PACS1: variants seen among roughly 807,000 people sequenced by gnomAD.
The protein encoded by PACS1 is phosphofurin acidic cluster sorting protein 1, also known as PACS-1.
PACS1 carries 24 observed loss-of-function variants against 115.0 expected under a neutral mutation model. The observed-to-expected ratio is 0.21, with a 90% CI of 0.15 to 0.29. The LOEUF (loss-of-function observed/expected upper bound fraction) is 0.29. PACS1 is among the 10% of genes least tolerant of loss of function. The probability of loss-of-function intolerance (pLI) is 1.00; values close to 1 mark genes in which losing one functional copy is unlikely to be tolerated. For missense variants in PACS1, 838 were observed against 1,251.2 expected (o/e 0.67, Z 4.98); for synonymous variants, 453 against 504.5 (o/e 0.90, Z 1.37).
rs574040415 is a variant in PACS1 at position 66,188,453 on chromosome 11, C to T, written c.357-5033C>T. 4.6e-5 allele frequency among the ~76,000 whole-genome samples: 7 copies of T among 152,218 alleles called. No individual in the cohort carries two copies. The East Asian group carries it at 1.2e-3, about 25-fold the overall frequency. ...CAAATGGTTTTCTCGAGTAACTGTA[C>T]CATTTTCCACTGTCCCCAGCCATGA... On this transcript the variant is annotated intron_variant, in intron 1 of 23. Transcript: ENST00000320580.
chr11:66,215,577 G>T (rs546162462), intron 4 of PACS1, among the ~76,000 whole-genome samples: 1 of 151,902 alleles, frequency 6.6e-6, no homozygotes, highest in East Asian at 2.0e-4. Flanking sequence ...GCCAGCCTGG[G>T]TGACAGAGTG....
intron 1 of PACS1, among the ~76,000 whole-genome samples, chr11:66,153,940 G>A (rs1337802582): frequency 6.6e-6 from 1 of 152,028 alleles, no homozygotes; most frequent in African/African-American, 2.4e-5. Context: ...CAGAGACACA[G>A]GTTAAAAGTG....
intron 1 of PACS1, among the ~76,000 whole-genome samples, chr11:66,114,625 G>GTCTTTCA (rs1858263623): frequency 6.6e-6 from 1 of 151,926 alleles, no homozygotes. Context: ...TGTTTTTAGG[G>GTCTTTCA]TCTTTCATTT....
chr11:66,201,544 GA>G (rs1854796152), intron 2 of PACS1, among the ~76,000 whole-genome samples: 1 of 148,568 alleles, frequency 6.7e-6, no homozygotes. Flanking sequence ...TAAAGAACTA[GA>G]AAAGCAAGAG....
chr11:66,175,375 A>G (rs1240227257), intron 1 of PACS1, among the ~76,000 whole-genome samples: 1 of 151,948 alleles, frequency 6.6e-6, no homozygotes, highest in African/African-American at 2.4e-5. Flanking sequence ...CTCCCTTTGA[A>G]TTTGTTGGGC....
chr11:66,085,483 A>G (rs1565100679), intron 1 of PACS1, among the ~76,000 whole-genome samples: 1 of 152,230 alleles, frequency 6.6e-6, no homozygotes, highest in Non-Finnish European at 1.5e-5. Flanking sequence ...TTTATGATAG[A>G]TATACTTAGA....
Position 66,216,713 on chromosome 11 carries a change from G to A in PACS1, c.916G>A (p.Glu306Lys), listed in dbSNP as rs1224491985. Reference sequence around the variant, plus strand: ...CACTTAGGACTTGTTCTACGAAGACGAAGATCTCCGGAAAGTGAAGAAGAC... The same window carrying A: ...CACTTAGGACTTGTTCTACGAAGACAAAGATCTCCGGAAAGTGAAGAAGAC... Reference protein sequence around the residue: ...LHGQDLFYEDEDLRKVKKTRR... With the variant: ...LHGQDLFYEDKDLRKVKKTRR... Residue 306 changes from glutamate (E) to lysine (K), a missense_variant, in exon 7 of 24, where the codon GAA (glutamate) becomes AAA (lysine). Transcript: ENST00000320580. 1.9e-6 allele frequency: 3 copies of A among 1,613,902 alleles called. No individual in the cohort carries two copies. The highest frequency in any genetic ancestry group is 2.2e-5 in the East Asian group (1 of 44,860).
At chr11:66,223,395 ATT>A (rs35595274) in intron 10 of PACS1, among the ~76,000 whole-genome samples, 206 of 147,716 alleles carry the variant, frequency 1.4e-3, no homozygotes, top group Middle Eastern at 3.5e-3. Context: ...TGCCCGGCCT[ATT>A]TTTTTTTTTT....
At chr11:66,158,822 G>A (rs1442210002) in intron 1 of PACS1, among the ~76,000 whole-genome samples, 1 of 152,170 alleles carries the variant, frequency 6.6e-6, no homozygotes, top group Middle Eastern at 3.2e-3. Context: ...TATTTAAAAA[G>A]CAACACAAGA....
rs545448547 is a variant in PACS1, at chr11:66,233,167, A to G, written c.1838+101A>G. 1 of 874,546 alleles carries G rather than the reference A, an allele frequency of 1.1e-6. No homozygotes were observed. The highest frequency in any genetic ancestry group is 1.8e-6 in the Non-Finnish European group (1 of 555,604). 54.2% of individuals were successfully genotyped at this position (874,546 alleles called of 1,614,324 possible). A position where few individuals can be genotyped will look rare whatever the true frequency, so the allele number is the denominator to read the frequency against. On this transcript the variant is annotated intron_variant, in intron 15 of 23. Transcript: ENST00000320580. This position sits in a 1 kb window ranked among gnomAD's most constrained non-coding sequence, Gnocchi z 4.5. ...AATGATAGACCCTCCTGGCCTCATC[A>G]GACCAAGAATTTGCAGAGGGGCGTA... is the stretch of plus-strand genomic sequence containing the variant.
At chr11:66,179,102 G>T (rs1477500017) in intron 1 of PACS1, among the ~76,000 whole-genome samples, 1 of 152,132 alleles carries the variant, frequency 6.6e-6, no homozygotes, top group African/African-American at 2.4e-5. Context: ...GATGTTGTCA[G>T]ATTTATAATT....
intron 1 of PACS1, among the ~76,000 whole-genome samples, chr11:66,087,510 T>C (rs2134508173): frequency 6.6e-6 from 1 of 152,372 alleles, no homozygotes; most frequent in African/African-American, 2.4e-5. Context: ...CCCACAGTGC[T>C]GGGATTGCAG....
At chr11:66,179,903 G>A (rs1859960642) in intron 1 of PACS1, among the ~76,000 whole-genome samples, 1 of 152,124 alleles carries the variant, frequency 6.6e-6, no homozygotes, top group African/African-American at 2.4e-5. Context: ...CCAGGCTGGA[G>A]TGCAGTGGCA....
At chr11:66,075,939 A>G (rs188560591) in intron 1 of PACS1, among the ~76,000 whole-genome samples, 1 of 151,962 alleles carries the variant, frequency 6.6e-6, no homozygotes, top group East Asian at 1.9e-4. Flanking sequence ...GGGTTTTACC[A>G]TGTTAGCCAG....
intron 1 of PACS1, among the ~76,000 whole-genome samples, chr11:66,176,926 G>A (rs1203749): frequency 0.99 from 150,153 of 152,276 alleles, 74,055 homozygotes; most frequent in Middle Eastern, 1. Context: ...ATATGTCTCA[G>A]GTAAAGCACT....
chr11:66,107,487 T>C (rs770568850), intron 1 of PACS1, among the ~76,000 whole-genome samples: 5 of 152,202 alleles, frequency 3.3e-5, no homozygotes, highest in Non-Finnish European at 4.4e-5. Flanking sequence ...GAAAGCTCCA[T>C]GAGGGCCATG....
intron 4 of PACS1, among the ~76,000 whole-genome samples, chr11:66,213,277 T>G (rs548912349): frequency 2.6e-5 from 4 of 152,270 alleles, no homozygotes; most frequent in Non-Finnish European, 5.9e-5. Flanking sequence ...TTTTTTTATT[T>G]TGATGCACAA....
intron 10 of PACS1, 120 bp from the exon 11 acceptor site, chr11:66,227,384 G>A: frequency 1.5e-6 from 1 of 648,034 alleles, no homozygotes; most frequent in African/African-American, 1.9e-5. Context: ...AAAAAGCCCT[G>A]AAGATTTTAT....
At chr11:66,197,882 T>C (rs1854683975) in intron 2 of PACS1, among the ~76,000 whole-genome samples, 1 of 152,246 alleles carries the variant, frequency 6.6e-6, no homozygotes, top group African/African-American at 2.4e-5. Context: ...TGTATATCAC[T>C]TTGCGTCTGG....
Sources: allele counts gnomAD v4.1 joint callset (sites outside exome capture counted in the v4.1 genomes callset), GRCh38; gene constraint gnomAD v4.1.1; non-coding constraint Gnocchi (gnomAD v3.1); transcripts MANE v1.5; gene names NCBI Gene and HGNC (gene_info 2026-07-23, HGNC 2026-07-21).